The following MYO1D variants were observed in gnomAD, a reference collection of about 807,000 sequenced individuals.
MYO1D encodes unconventional myosin-Id.
Under a neutral mutation model 122.0 loss-of-function variants are expected in MYO1D, and 83 were observed. That is an observed-to-expected ratio of 0.68 (90% confidence interval 0.57 to 0.82). MYO1D has a LOEUF of 0.82. MYO1D is among the 40% of genes least tolerant of loss of function. MYO1D has a pLI of 0.00. For synonymous variants in MYO1D, 464 were observed against 446.9 expected, an observed-to-expected ratio of 1.04 and a Z score of -0.48; for missense variants, 1,157 against 1,269.5, an observed-to-expected ratio of 0.91 and a Z score of 1.35.
intron 21 of MYO1D, among the ~76,000 whole-genome samples, chr17:32,530,618 T>C (rs780456155): frequency 2.0e-5 from 3 of 152,074 alleles, no homozygotes; most frequent in Admixed American, 6.6e-5. Flanking sequence ...CTGGGCTACA[T>C]GGTGAAACCC....
intron 21 of MYO1D, among the ~76,000 whole-genome samples, chr17:32,566,604 T>C (rs1002124570): frequency 1.3e-5 from 2 of 151,808 alleles, no homozygotes; most frequent in African/African-American, 2.4e-5. Context: ...AGTGATATGA[T>C]TGGAAAGTCA....
intron 1 of MYO1D, among the ~76,000 whole-genome samples, chr17:32,837,376 C>A (rs978434858): frequency 2.0e-5 from 3 of 146,808 alleles, no homozygotes; most frequent in Admixed American, 6.9e-5. Flanking sequence ...TAATAAAAAT[C>A]TTTTCCCAGA....
At chr17:32,562,914 T>G (rs1456896818) in intron 21 of MYO1D, among the ~76,000 whole-genome samples, 1 of 152,178 alleles carries the variant, frequency 6.6e-6, no homozygotes, top group Non-Finnish European at 1.5e-5. Flanking sequence ...CTTTGTCTTT[T>G]TAAAGGGAGG....
At chr17:32,624,655 G>C (rs2087901718) in intron 20 of MYO1D, among the ~76,000 whole-genome samples, 1 of 152,084 alleles carries the variant, frequency 6.6e-6, no homozygotes, top group South Asian at 2.1e-4. Flanking sequence ...CTTTGAGGAG[G>C]CAGGATTGCA....
At chr17:32,651,544 G>T (rs560900882) in intron 19 of MYO1D, among the ~76,000 whole-genome samples, 64 of 152,240 alleles carry the variant, frequency 4.2e-4, no homozygotes, top group African/African-American at 1.4e-3. Flanking sequence ...GCAAATTGCA[G>T]GGCTCATCAC....
intron 21 of MYO1D, chr17:32,510,123 G>C (rs1909639303): frequency 6.6e-6 from 1 of 152,386 alleles, no homozygotes; most frequent in South Asian, 2.1e-4. Flanking sequence ...ACTTCTTGCA[G>C]CTGGAAGGTG....
intron 1 of MYO1D, among the ~76,000 whole-genome samples, chr17:32,850,421 TACA>T (rs1030910298): frequency 2.7e-4 from 41 of 152,302 alleles, no homozygotes; most frequent in African/African-American, 8.9e-4. Flanking sequence ...TCACCATGGG[TACA>T]ACAATCCTAT....
Position 32,738,388 on chromosome 17 carries a change from G to A in MYO1D, c.1614-3C>T. 1 of 1,564,774 alleles carries A rather than the reference G, an allele frequency of 6.4e-7. No individual in the cohort carries two copies. Among genetic ancestry groups the A allele is most frequent in the Admixed American group, 1.9e-5 (1 of 51,790 alleles). On this transcript the variant is annotated splice_region_variant and splice_polypyrimidine_tract_variant and intron_variant, in intron 13 of 21. Transcript: ENST00000318217. Reference sequence around the variant, plus strand: ...TATTCTTGAGCACAGGATTTGAACTGAGAAGCACAGAAAAAACAATTCAAA... The same window carrying A: ...TATTCTTGAGCACAGGATTTGAACTAAGAAGCACAGAAAAAACAATTCAAA...
At chr17:32,830,393 A>G (rs577084209) in intron 1 of MYO1D, 9 of 152,362 alleles carry the variant, frequency 5.9e-5, no homozygotes, top group East Asian at 1.9e-4. Flanking sequence ...CTAAAAATGT[A>G]TAACAGCATA....
intron 10 of MYO1D, among the ~76,000 whole-genome samples, chr17:32,757,932 C>T (rs2089965407): frequency 6.6e-6 from 1 of 152,082 alleles, no homozygotes; most frequent in African/African-American, 2.4e-5. Context: ...CAGCTTTGTG[C>T]TTGAGTATCA....
At chr17:32,810,174 G>T (rs116312065) in intron 1 of MYO1D, among the ~76,000 whole-genome samples, 2,211 of 152,202 alleles carry the variant, frequency 0.015, 44 homozygotes, top group African/African-American at 0.048. Flanking sequence ...TGTGACAAGG[G>T]ACTATATATG....
intron 16 of MYO1D, among the ~76,000 whole-genome samples, chr17:32,670,519 T>C (rs530989962): frequency 1.3e-5 from 2 of 152,266 alleles, no homozygotes; most frequent in East Asian, 3.9e-4. Context: ...GGTGGGTCCC[T>C]GGTGCGACCT....
intron 14 of MYO1D, among the ~76,000 whole-genome samples, chr17:32,737,397 A>C (rs888608149): frequency 2.0e-5 from 3 of 150,496 alleles, no homozygotes; most frequent in Admixed American, 2.0e-4. Flanking sequence ...GTCCTGCTCT[A>C]TCACCCAGAC....
intron 21 of MYO1D, among the ~76,000 whole-genome samples, chr17:32,528,454 CGTATGTGTGTGTGT>C (rs1910413549): frequency 6.6e-6 from 1 of 151,258 alleles, no homozygotes; most frequent in Admixed American, 6.6e-5. Flanking sequence ...TGTGTGTGTG[CGTATGTGTGTGTGT>C]GTGTATGTGT....
chr17:32,542,074 C>G (rs1910853011), intron 21 of MYO1D, among the ~76,000 whole-genome samples: 1 of 152,158 alleles, frequency 6.6e-6, no homozygotes, highest in Non-Finnish European at 1.5e-5. Context: ...TCTAGGAACC[C>G]CTGGCTCCCA....
chr17:32,860,736 T>C (rs901875281), intron 1 of MYO1D, among the ~76,000 whole-genome samples: 12 of 152,276 alleles, frequency 7.9e-5, no homozygotes, highest in Admixed American at 5.9e-4. Context: ...TTTGCCCCCG[T>C]AGTAAATGTG....
Position 32,516,628 on chromosome 17 carries a change from TCTTGCCAAATTTGG to T in MYO1D, c.2865-21727_2865-21714del, listed in dbSNP as rs555398728. ...AAATGTGAAGTGTCTCCACATGGCT[TCTTGCCAAATTTGG>T]CTTGCCCTTGAGCGCAGACACACTT... is the stretch of plus-strand genomic sequence containing the variant. On this transcript the variant is annotated intron_variant, in intron 21 of 21. Transcript: ENST00000318217. Among the ~76,000 whole-genome samples the T allele has an allele frequency of 3.9e-5, 6 of 152,378 alleles. No individual in the cohort carries two copies. The East Asian group carries it at 1.2e-3, about 29-fold the overall frequency.
At chr17:32,675,565 T>C (rs1305147729) in intron 16 of MYO1D, among the ~76,000 whole-genome samples, 1 of 152,150 alleles carries the variant, frequency 6.6e-6, no homozygotes, top group Non-Finnish European at 1.5e-5. Context: ...ATGATTAATT[T>C]TTCAATCAAC....
intron 1 of MYO1D, among the ~76,000 whole-genome samples, chr17:32,837,441 C>T (rs995504822): frequency 6.6e-5 from 10 of 151,992 alleles, no homozygotes; most frequent in African/African-American, 1.4e-4. Flanking sequence ...GATCTAACCA[C>T]CGTTTAATGA....
Sources: allele counts gnomAD v4.1 joint callset (sites outside exome capture counted in the v4.1 genomes callset), GRCh38; gene constraint gnomAD v4.1.1; transcripts MANE v1.5; gene names NCBI Gene and HGNC (gene_info 2026-07-23, HGNC 2026-07-21).